PRELID2: variants seen among roughly 807,000 people sequenced by gnomAD.
PRELID2 encodes the protein PRELI domain-containing protein 2.
A neutral mutation model predicts 28.4 loss-of-function variants in PRELID2; 25 were observed. The ratio of observed to expected loss-of-function variants is 0.88; its 90% CI spans 0.64 to 1.23. PRELID2 has a LOEUF of 1.23. Among genes scored for constraint, PRELID2 ranks in the 50% most tolerant of loss-of-function variants. PRELID2 has a pLI of 0.00. For synonymous variants in PRELID2, 76 were observed against 71.6 expected, an observed-to-expected ratio of 1.06 and a Z score of -0.31; for missense variants, 201 against 214.4, an observed-to-expected ratio of 0.94 and a Z score of 0.39.
chr5:145,572,606 A>G (rs1753024132), intron 1 of PRELID2, among the ~76,000 whole-genome samples: 1 of 152,128 alleles, frequency 6.6e-6, no homozygotes, highest in Non-Finnish European at 1.5e-5. Flanking sequence ...ATTTTTCCCA[A>G]TAACTGCTAC....
chr5:145,765,098 G>A, intron 5 of PRELID2, 98 bp from the exon 6 acceptor site: 1 of 789,460 alleles, frequency 1.3e-6, no homozygotes, highest in East Asian at 2.7e-5. Context: ...CCAGGTCATG[G>A]CCATATATTC....
intron 1 of PRELID2, among the ~76,000 whole-genome samples, chr5:145,750,897 T>C (rs1425659526): frequency 6.6e-6 from 1 of 152,192 alleles, no homozygotes; most frequent in African/African-American, 2.4e-5. Context: ...ACTTTACCCC[T>C]TCAAGACTAA....
At chr5:145,631,901 CTG>C (rs750860445) in intron 1 of PRELID2, among the ~76,000 whole-genome samples, 1 of 152,116 alleles carries the variant, frequency 6.6e-6, no homozygotes, top group Admixed American at 6.5e-5. Flanking sequence ...ACATAAAAAA[CTG>C]TACCTCAGGC....
intron 1 of PRELID2, among the ~76,000 whole-genome samples, chr5:145,506,209 C>T (rs1197723904): frequency 6.6e-6 from 1 of 152,104 alleles, no homozygotes; most frequent in Non-Finnish European, 1.5e-5. Context: ...CAAATCCTGC[C>T]CCTTTTGCTC....
chr5:145,352,278 T>C, the PRELID2 span, among the ~76,000 whole-genome samples: 1 of 152,208 alleles, frequency 6.6e-6, no homozygotes, highest in Non-Finnish European at 1.5e-5. Context: ...GGCATTTCCA[T>C]ACATCCTCTG....
At chr5:145,403,412 AAAG>A in the PRELID2 span, among the ~76,000 whole-genome samples, 3 of 152,156 alleles carry the variant, frequency 2.0e-5, no homozygotes, top group Non-Finnish European at 4.4e-5. Context: ...AAAAATTGTA[AAAG>A]AAGACGGGGG....
At chr5:145,481,206 T>C (rs1752156344) in intron 1 of PRELID2, among the ~76,000 whole-genome samples, 2 of 152,124 alleles carry the variant, frequency 1.3e-5, no homozygotes, top group Non-Finnish European at 2.9e-5. Flanking sequence ...GTAGTGTAAA[T>C]TTTTTTCTCA....
At chr5:145,486,492 G>A (rs1287465053) in intron 1 of PRELID2, among the ~76,000 whole-genome samples, 1 of 152,100 alleles carries the variant, frequency 6.6e-6, no homozygotes, top group Non-Finnish European at 1.5e-5. Context: ...AACTCTTCCT[G>A]CCAATCACAA....
At chr5:145,411,040 C>T in the PRELID2 span, among the ~76,000 whole-genome samples, 1 of 152,068 alleles carries the variant, frequency 6.6e-6, no homozygotes, top group Non-Finnish European at 1.5e-5. Flanking sequence ...CCTACAGTCT[C>T]CATGCAAGTG....
intron 1 of PRELID2, among the ~76,000 whole-genome samples, chr5:145,578,551 A>C (rs991864678): frequency 1.3e-5 from 2 of 152,072 alleles, no homozygotes; most frequent in Admixed American, 1.3e-4. Flanking sequence ...GAAAAGAAGT[A>C]GTCTGTCCTG....
chr5:145,716,927 A>G (rs1016029829), intron 1 of PRELID2, among the ~76,000 whole-genome samples: 1 of 152,138 alleles, frequency 6.6e-6, no homozygotes, highest in Admixed American at 6.6e-5. Context: ...TATATGTATG[A>G]ACACAAAGTT....
At chr5:145,545,107 C>T (rs1408058605) in intron 1 of PRELID2, among the ~76,000 whole-genome samples, 1 of 152,116 alleles carries the variant, frequency 6.6e-6, no homozygotes, top group African/African-American at 2.4e-5. Flanking sequence ...AAATTTAGCA[C>T]TGGGTCCTTT....
At chr5:145,337,744 C>G in the PRELID2 span, among the ~76,000 whole-genome samples, 1 of 142,902 alleles carries the variant, frequency 7.0e-6, no homozygotes, top group African/African-American at 2.6e-5. Flanking sequence ...CACACACACA[C>G]ACACACACAC....
chr5:145,447,017 C>G, the PRELID2 span, among the ~76,000 whole-genome samples: 2 of 148,440 alleles, frequency 1.3e-5, no homozygotes, highest in South Asian at 4.2e-4. Context: ...GCATTGCACT[C>G]CAGCCTGGGC....
chr5:145,378,721 G>A, the PRELID2 span, among the ~76,000 whole-genome samples: 2 of 152,020 alleles, frequency 1.3e-5, no homozygotes, highest in Non-Finnish European at 2.9e-5. Flanking sequence ...CCTTGGATTG[G>A]GTTCCAAGGT....
At chr5:145,534,535 G>A (rs1270134216) in intron 1 of PRELID2, among the ~76,000 whole-genome samples, 1 of 151,936 alleles carries the variant, frequency 6.6e-6, no homozygotes, top group African/African-American at 2.4e-5. Context: ...AAAGTGCATG[G>A]GCTGTGGAGT....
chr5:145,664,237 G>C (rs1183608897), intron 1 of PRELID2, among the ~76,000 whole-genome samples: 1 of 152,056 alleles, frequency 6.6e-6, no homozygotes. Context: ...ATATTGACAG[G>C]CTTTTGAAAT....
chr5:145,652,850 C>A (rs1007386831), intron 1 of PRELID2, among the ~76,000 whole-genome samples: 2 of 152,136 alleles, frequency 1.3e-5, no homozygotes, highest in African/African-American at 4.8e-5. Flanking sequence ...AATTGACAGG[C>A]AAAATAACCA....
the PRELID2 span, among the ~76,000 whole-genome samples, chr5:145,376,459 T>A: frequency 6.6e-6 from 1 of 152,282 alleles, no homozygotes; most frequent in South Asian, 2.1e-4. Flanking sequence ...TTGTAATAGC[T>A]TCAGCAAGAA....
Sources: allele counts gnomAD v4.1 joint callset (sites outside exome capture counted in the v4.1 genomes callset), GRCh38; gene constraint gnomAD v4.1.1; transcripts MANE v1.5; gene names NCBI Gene and HGNC (gene_info 2026-07-23, HGNC 2026-07-21).